The following ANKFY1 variants were observed in gnomAD, a reference collection of about 807,000 sequenced individuals.
ANKFY1 encodes the protein ankyrin repeat and FYVE domain containing 1, also known as ankyrin repeat and FYVE domain-containing protein 1.
Under a neutral mutation model 128.3 loss-of-function variants are expected in ANKFY1, and 47 were observed. The ratio of observed to expected loss-of-function variants is 0.37; its 90% CI spans 0.29 to 0.47. The LOEUF is 0.47. ANKFY1 is among the 20% of genes least tolerant of loss of function. The pLI is 1.00. For missense variants in ANKFY1, 1,222 were observed against 1,510.6 expected (o/e 0.81, Z 3.17); for synonymous variants, 553 against 601.6 (o/e 0.92, Z 1.18).
intron 6 of ANKFY1, 35 bp downstream of exon 6, chr17:4,207,898 C>T (rs745904671): frequency 1.6e-5 from 24 of 1,535,424 alleles, no homozygotes; most frequent in South Asian, 2.6e-5. Context: ...ATTAGAGTTT[C>T]GGGAAATGAA....
chr17:4,172,687 A>C lies in ANKFY1; in HGVS notation c.3015-7T>G. 6.2e-7 allele frequency: 1 copy of C among 1,613,690 alleles called. No individual in the cohort carries two copies. The highest frequency in any genetic ancestry group is 1.7e-4 in the Middle Eastern group (1 of 6,052). On this transcript the variant is annotated splice_polypyrimidine_tract_variant and splice_region_variant and intron_variant, in intron 21 of 24. Coordinates refer to ENST00000341657, the MANE Select transcript of ANKFY1 (RefSeq NM_001330063.2). ...GTGCAGTGGTGACTGGCCTCTGATA[A>C]AACAAGTTGGAAAAGTTAGGAATGT...
At chr17:4,196,464 T>A (rs777237723) in intron 8 of ANKFY1, among the ~76,000 whole-genome samples, 13 of 152,266 alleles carry the variant, frequency 8.5e-5, no homozygotes, top group Admixed American at 2.0e-4. Context: ...GTGATTCAGG[T>A]GACTTAACTA....
At chr17:4,260,574 C>T (rs772985628) in intron 1 of ANKFY1, among the ~76,000 whole-genome samples, 10 of 138,436 alleles carry the variant, frequency 7.2e-5, no homozygotes, top group Non-Finnish European at 1.2e-4. Flanking sequence ...GCTGTGATCA[C>T]GCCATTGTAC....
intron 11 of ANKFY1, chr17:4,186,780 G>C: frequency 7.1e-6 from 7 of 979,124 alleles, no homozygotes; most frequent in Non-Finnish European, 8.5e-6. Flanking sequence ...CTCCTTGGGT[G>C]TGCTGATCTA....
chr17:4,246,377 TAA>T (rs1310729941), intron 1 of ANKFY1, among the ~76,000 whole-genome samples: 2 of 152,162 alleles, frequency 1.3e-5, no homozygotes, highest in Non-Finnish European at 2.9e-5. Flanking sequence ...ACAAAGTACA[TAA>T]ACACAGTATA....
intron 3 of ANKFY1, among the ~76,000 whole-genome samples, chr17:4,225,344 G>A (rs941498970): frequency 3.9e-5 from 6 of 152,160 alleles, no homozygotes; most frequent in East Asian, 1.9e-4. Context: ...GGGACAGAGC[G>A]AGATTCTGTC....
intron 1 of ANKFY1, among the ~76,000 whole-genome samples, chr17:4,247,168 T>C (rs1435219057): frequency 6.6e-6 from 1 of 151,876 alleles, no homozygotes; most frequent in Admixed American, 6.6e-5. Context: ...GCAAAGTTGC[T>C]GATTCCTCTA....
chr17:4,202,981 C>CACATATATATATATATATATATATAT (rs56856304), intron 7 of ANKFY1, among the ~76,000 whole-genome samples: 1 of 146,236 alleles, frequency 6.8e-6, no homozygotes. Context: ...TAATCATACA[C>CACATATATATATATATATATATATAT]ATATATATAT....
intron 4 of ANKFY1, among the ~76,000 whole-genome samples, chr17:4,213,108 G>C (rs2060163456): frequency 6.6e-6 from 1 of 152,130 alleles, no homozygotes; most frequent in African/African-American, 2.4e-5. Flanking sequence ...ACGAAGGAGA[G>C]GCTAGGAGCA....
At chr17:4,259,349 C>T (rs964439544) in intron 1 of ANKFY1, among the ~76,000 whole-genome samples, 1 of 152,170 alleles carries the variant, frequency 6.6e-6, no homozygotes, top group African/African-American at 2.4e-5. Flanking sequence ...GGCGCGATCT[C>T]GGATCACTGC....
chr17:4,166,761 A>C lies in ANKFY1; in HGVS notation c.*1018T>G, dbSNP rs2059218365. 6.6e-6 allele frequency: 1 copy of C among 152,260 alleles called. No individual in the cohort carries two copies. The highest frequency in any genetic ancestry group is 2.1e-4 in the South Asian group (1 of 4,832). The allele number at this position is 152,260 out of a possible 1,614,324, so 9.4% of individuals were successfully genotyped here. A position where few individuals can be genotyped will look rare whatever the true frequency, so the allele number is the denominator to read the frequency against. On this transcript the variant is annotated 3_prime_UTR_variant, in exon 25 of 25. Transcript: ENST00000341657. Reference sequence around the variant, plus strand: ...ATAGGACCTGCCGGCCTGAGGCTGGAGATGCCCTTGGGGCTGAAGCCTTGG... The same window carrying C: ...ATAGGACCTGCCGGCCTGAGGCTGGCGATGCCCTTGGGGCTGAAGCCTTGG...
intron 24 of ANKFY1, among the ~76,000 whole-genome samples, chr17:4,168,343 C>T (rs1469151671): frequency 6.6e-6 from 1 of 152,062 alleles, no homozygotes; most frequent in Admixed American, 6.5e-5. Flanking sequence ...ATCCCAGCTG[C>T]TCAGGAGGCT....
chr17:4,222,408 C>T, intron 3 of ANKFY1: 1 of 794,934 alleles, frequency 1.3e-6, no homozygotes, highest in Admixed American at 1.7e-5. Context: ...ATTTCCTGCA[C>T]TTCACCTGGC....
chr17:4,201,919 G>C (rs1235035551), intron 7 of ANKFY1, among the ~76,000 whole-genome samples: 1 of 152,170 alleles, frequency 6.6e-6, no homozygotes, highest in Non-Finnish European at 1.5e-5. Context: ...AATATGTAAA[G>C]ACAACAATAT....
chr17:4,191,538 T>A (rs1406754034), intron 10 of ANKFY1, among the ~76,000 whole-genome samples: 1 of 150,358 alleles, frequency 6.7e-6, no homozygotes, highest in Non-Finnish European at 1.5e-5. Context: ...AGTTGATGGT[T>A]ACTCTAATCT....
chr17:4,197,279 A>G (rs2059843201), intron 8 of ANKFY1, 94 bp downstream of exon 8: 1 of 1,328,768 alleles, frequency 7.5e-7, no homozygotes, highest in Admixed American at 1.8e-5. Context: ...ATGCCAAACT[A>G]AAGAACATGA....
rs1166638294 is a variant in ANKFY1, at chr17:4,195,972, A to AAC, written c.1104-503_1104-502dup. On this transcript the variant is annotated intron_variant, in intron 8 of 24. Coordinates refer to ENST00000341657, the MANE Select transcript of ANKFY1 (RefSeq NM_001330063.2). ...AGACTGGCACTGCAGAGCCACCACT[A>AAC]ACACACACACACACACACCCCCGAG... 2.1e-3 allele frequency among the ~76,000 whole-genome samples: 312 copies of AAC among 148,214 alleles called. 2 individuals are homozygous for AAC. Among genetic ancestry groups the AAC allele is most frequent in the Middle Eastern group, 7.2e-3 (2 of 278 alleles).
intron 2 of ANKFY1, among the ~76,000 whole-genome samples, chr17:4,238,152 TAAAA>T (rs55944256): frequency 1.1e-5 from 1 of 92,692 alleles, no homozygotes; most frequent in Non-Finnish European, 2.1e-5. Context: ...CTTATTTATT[TAAAA>T]AAAAAAAAAA....
chr17:4,168,007 G>C (rs2059241880), intron 24 of ANKFY1, 96 bp from the exon 25 acceptor site: 1 of 1,417,678 alleles, frequency 7.1e-7, no homozygotes, highest in South Asian at 1.4e-5. Flanking sequence ...TGGCAGCCAA[G>C]GCGCCCGCAA....
Sources: gnomAD v4.1 joint callset for allele counts (sites outside exome capture counted in the v4.1 genomes callset) on GRCh38, gnomAD v4.1.1 for gene constraint, MANE v1.5 for transcripts, NCBI Gene and HGNC (gene_info 2026-07-23, HGNC 2026-07-21) for gene names.